Variants in KYNU observed in about 807,000 individuals in gnomAD.
KYNU encodes kynureninase.
A neutral mutation model predicts 59.2 loss-of-function variants in KYNU; 54 were observed. The observed-to-expected ratio is 0.91, with a 90% CI of 0.73 to 1.14. The LOEUF (loss-of-function observed/expected upper bound fraction) is 1.14, where lower values mean the gene tolerates loss of function less well. Ranked by LOEUF, KYNU falls within the 50% of genes most tolerant of loss-of-function variation. The probability of loss-of-function intolerance (pLI) is 0.00; values close to 1 mark genes in which losing one functional copy is unlikely to be tolerated. For synonymous variants in KYNU, 177 were observed against 192.0 expected (o/e 0.92, Z 0.65); for missense variants, 567 against 554.4 (o/e 1.02, Z -0.23).
At chr2:142,881,207 G>T (rs1681285576) in intron 1 of KYNU, 2 of 152,148 alleles carry the variant, frequency 1.3e-5, no homozygotes, top group African/African-American at 4.8e-5. Context: ...TAATACTTAT[G>T]GTCAGATATT....
At chr2:142,952,788 A>G (rs1248904537) in intron 4 of KYNU, among the ~76,000 whole-genome samples, 1 of 151,822 alleles carries the variant, frequency 6.6e-6, no homozygotes, top group Non-Finnish European at 1.5e-5. Flanking sequence ...TGCCTCTTCC[A>G]TTTCTTGATT....
chr2:142,960,518 AC>A, intron 7 of KYNU, 105 bp from the exon 8 acceptor site: 1 of 993,398 alleles, frequency 1.0e-6, no homozygotes, highest in Non-Finnish European at 1.5e-6. Flanking sequence ...GAAAAAAAAA[AC>A]TATTTTATAA....
intron 12 of KYNU, among the ~76,000 whole-genome samples, chr2:143,037,005 AAG>A (rs1452312134): frequency 6.6e-6 from 1 of 152,248 alleles, no homozygotes; most frequent in Non-Finnish European, 1.5e-5. Flanking sequence ...ACTTTTTAAA[AAG>A]ATATTAATAT....
In KYNU at chr2:142,881,909, C is replaced by CTTTTTTTTT. The variant is rs1222437103; in HGVS notation, c.-19-3434_-19-3433insTTTTTTTTT. Among the ~76,000 whole-genome samples, 160 of 124,610 alleles carry CTTTTTTTTT rather than the reference C, an allele frequency of 1.3e-3. 4 individuals carry two copies. The highest frequency in any genetic ancestry group is 4.7e-3 in the African/African-American group (142 of 30,128). The allele number at this position is 124,610 out of a possible 152,430, so 81.7% of individuals were successfully genotyped here. A position where few individuals can be genotyped will look rare whatever the true frequency, so the allele number is the denominator to read the frequency against. Reference sequence around the variant, plus strand: ...TGCCAGCACACCTGGCTTTTCTTTTCTTTTTTCTTTTTTTTTTTTTTTTTT... The same window carrying CTTTTTTTTT: ...TGCCAGCACACCTGGCTTTTCTTTTCTTTTTTTTTTTTTTTCTTTTTTTTTTTTTTTTTT... On this transcript the variant is annotated intron_variant, in intron 1 of 13. Coordinates refer to ENST00000264170, the MANE Select transcript of KYNU (RefSeq NM_003937.3).
chr2:142,911,790 T>A (rs1682487796), intron 2 of KYNU, among the ~76,000 whole-genome samples: 1 of 152,170 alleles, frequency 6.6e-6, no homozygotes, highest in African/African-American at 2.4e-5. Context: ...TTTTTCTACA[T>A]CTATTGACAT....
rs371888006 is a variant in KYNU at position 143,000,877 on chromosome 2, T to A, written c.902+14856T>A. 2.0e-5 allele frequency among the ~76,000 whole-genome samples: 3 copies of A among 152,128 alleles called. No homozygotes were observed. In the East Asian group the frequency reaches 5.8e-4, roughly 29 times the overall value. ...GTGAGTATGACAAGAATGACCCAAT[T>A]TGTATAATCAGCATTCACCCTCTTC... On this transcript the variant is annotated intron_variant, in intron 10 of 13. Coordinates refer to ENST00000264170, the MANE Select transcript of KYNU (RefSeq NM_003937.3).
intron 2 of KYNU, among the ~76,000 whole-genome samples, chr2:142,917,351 G>T (rs1682698958): frequency 6.6e-6 from 1 of 151,990 alleles, no homozygotes; most frequent in Non-Finnish European, 1.5e-5. Flanking sequence ...GTTGTGTAGA[G>T]AAAGCACAGG....
chr2:143,013,232 T>A (rs2105206348), intron 10 of KYNU, among the ~76,000 whole-genome samples: 2 of 152,198 alleles, frequency 1.3e-5, no homozygotes, highest in Non-Finnish European at 2.9e-5. Context: ...ACCTTATTAT[T>A]TTTTAGGGCT....
intron 2 of KYNU, among the ~76,000 whole-genome samples, chr2:142,913,286 G>A (rs1039778114): frequency 5.3e-5 from 8 of 152,098 alleles, no homozygotes; most frequent in African/African-American, 1.9e-4. Flanking sequence ...TTACTAAATT[G>A]GGAATTGCAG....
chr2:143,018,074 C>T (rs1193370971), intron 10 of KYNU, among the ~76,000 whole-genome samples: 1 of 152,084 alleles, frequency 6.6e-6, no homozygotes, highest in Non-Finnish European at 1.5e-5. Flanking sequence ...TAAATATTTC[C>T]TCCCATTCTA....
chr2:142,974,092 A>G (rs34891373), intron 8 of KYNU, among the ~76,000 whole-genome samples: 1 of 152,156 alleles, frequency 6.6e-6, no homozygotes, highest in Non-Finnish European at 1.5e-5. Context: ...CCCATAGTCA[A>G]CCAAAAAGTA....
chr2:142,968,373 G>A (rs2105117575), intron 8 of KYNU, among the ~76,000 whole-genome samples: 1 of 152,234 alleles, frequency 6.6e-6, no homozygotes, highest in African/African-American at 2.4e-5. Context: ...AGTGTAATTT[G>A]TGTAATTTTA....
At chr2:142,961,155 T>C (rs995232420) in intron 8 of KYNU, among the ~76,000 whole-genome samples, 3 of 149,832 alleles carry the variant, frequency 2.0e-5, no homozygotes, top group Non-Finnish European at 2.9e-5. Context: ...ATCGTGCCCC[T>C]GCACTCCAGC....
At chr2:143,032,711 T>TTGTGTGTGTGTGTGTG (rs61062901) in intron 11 of KYNU, among the ~76,000 whole-genome samples, 17,843 of 129,266 alleles carry the variant, frequency 0.14, 1,647 homozygotes, top group South Asian at 0.22. Flanking sequence ...GCTCCCTCTA[T>TTGTGTGTGTGTGTGTG]TGTGTGTGTG....
chr2:142,880,209 G>T, intron 1 of KYNU, among the ~76,000 whole-genome samples: 1 of 152,098 alleles, frequency 6.6e-6, no homozygotes, highest in East Asian at 1.9e-4. Flanking sequence ...AGTTCAGTAG[G>T]GTAGAACAGC....
chr2:142,952,986 G>A (rs569414540), intron 4 of KYNU, among the ~76,000 whole-genome samples: 13 of 152,062 alleles, frequency 8.5e-5, no homozygotes, highest in Non-Finnish European at 1.5e-4. Flanking sequence ...TCAAGAGTAA[G>A]ATCAAGTTAC....
At chr2:143,000,888 G>A (rs911230925) in intron 10 of KYNU, among the ~76,000 whole-genome samples, 1 of 152,060 alleles carries the variant, frequency 6.6e-6, no homozygotes, top group Non-Finnish European at 1.5e-5. Context: ...TGTATAATCA[G>A]CATTCACCCT....
In KYNU at chr2:143,050,074, C is replaced by G. The variant is rs1231361403; in HGVS notation, c.*7902C>G. ...CATATAAAATATGAAATATATAATACAGTATAAAATCTATTTTATGTAAAA... is the reference window on the plus strand; with the variant it reads ...CATATAAAATATGAAATATATAATAGAGTATAAAATCTATTTTATGTAAAA... On this transcript the variant is annotated 3_prime_UTR_variant, in exon 14 of 14. Coordinates refer to ENST00000264170, the MANE Select transcript of KYNU (RefSeq NM_003937.3). The G allele has an allele frequency of 6.8e-6, 1 of 147,116 alleles. No homozygotes were observed. The highest frequency in any genetic ancestry group is 1.5e-5 in the Non-Finnish European group (1 of 66,902). The allele number at this position is 147,116 out of a possible 1,614,324, so 9.1% of individuals were successfully genotyped here.
At chr2:142,973,711 T>G (rs574228638) in intron 8 of KYNU, among the ~76,000 whole-genome samples, 1 of 152,184 alleles carries the variant, frequency 6.6e-6, no homozygotes, top group Non-Finnish European at 1.5e-5. Context: ...AGGTGTACAT[T>G]ACACTCAAGA....
Sources: allele counts gnomAD v4.1 joint callset (sites outside exome capture counted in the v4.1 genomes callset), GRCh38; gene constraint gnomAD v4.1.1; transcripts MANE v1.5; gene names NCBI Gene and HGNC (gene_info 2026-07-23, HGNC 2026-07-21).